GTF2IRD1: variants seen among roughly 807,000 people sequenced by gnomAD.
The protein encoded by GTF2IRD1 is GTF2I repeat domain containing 1.
GTF2IRD1 carries 26 observed loss-of-function variants against 113.2 expected under a neutral mutation model. That is an observed-to-expected ratio of 0.23 (90% CI 0.17 to 0.32). The LOEUF is 0.32. Ranked by LOEUF, GTF2IRD1 falls within the 10% of genes least tolerant of loss-of-function variation. The probability of loss-of-function intolerance (pLI) is 1.00; values close to 1 mark genes in which losing one functional copy is unlikely to be tolerated. For synonymous variants in GTF2IRD1, 484 were observed against 529.1 expected (o/e 0.91, Z 1.17); for missense variants, 864 against 1,280.8 (o/e 0.67, Z 4.97).
At chr7:74,550,263 A>C (rs150981759) in intron 17 of GTF2IRD1, among the ~76,000 whole-genome samples, 2 of 152,060 alleles carry the variant, frequency 1.3e-5, no homozygotes, top group Non-Finnish European at 2.9e-5. Flanking sequence ...CATATAGCCC[A>C]TCAGATGTGT....
At chr7:74,559,544 G>A (rs587756955) in intron 21 of GTF2IRD1, 83 bp from the exon 22 acceptor site, 2 of 1,260,868 alleles carry the variant, frequency 1.6e-6, no homozygotes, top group African/African-American at 1.5e-5. Flanking sequence ...TCCCAGGGGA[G>A]ACCGAGGCCA....
At chr7:74,600,569 G>T (rs1433318194) in intron 25 of GTF2IRD1, among the ~76,000 whole-genome samples, 1 of 152,082 alleles carries the variant, frequency 6.6e-6, no homozygotes, top group Non-Finnish European at 1.5e-5. Context: ...AAATTAGCTG[G>T]ACGTGGTGGC....
chr7:74,543,965 C>T (rs1363832375), intron 14 of GTF2IRD1, among the ~76,000 whole-genome samples: 1 of 151,046 alleles, frequency 6.6e-6, no homozygotes, highest in African/African-American at 2.4e-5. Context: ...GGGAGGATAG[C>T]TTGAGCCCAA....
At chr7:74,537,406 C>T (rs1798360483) in intron 11 of GTF2IRD1, among the ~76,000 whole-genome samples, 1 of 151,638 alleles carries the variant, frequency 6.6e-6, no homozygotes, top group Non-Finnish European at 1.5e-5. Context: ...GAACAAGACT[C>T]CGTCTCAAAA....
At chr7:74,587,173 A>G (rs1178546223) in intron 22 of GTF2IRD1, among the ~76,000 whole-genome samples, 1 of 152,102 alleles carries the variant, frequency 6.6e-6, no homozygotes, top group Non-Finnish European at 1.5e-5. Flanking sequence ...GGCTGGGCAC[A>G]GTGGCTCACG....
intron 3 of GTF2IRD1, among the ~76,000 whole-genome samples, chr7:74,514,746 G>A (rs1416887094): frequency 6.6e-6 from 1 of 151,764 alleles, no homozygotes; most frequent in Non-Finnish European, 1.5e-5. Flanking sequence ...AGCAGAAAAC[G>A]GTGGCATAGA....
intron 22 of GTF2IRD1, among the ~76,000 whole-genome samples, chr7:74,561,902 G>A (rs1181966215): frequency 6.6e-5 from 10 of 152,188 alleles, no homozygotes; most frequent in Non-Finnish European, 1.5e-5. Flanking sequence ...GGCTCGGTGT[G>A]AGTGATGTGT....
intron 24 of GTF2IRD1, among the ~76,000 whole-genome samples, chr7:74,594,122 C>T (rs1802254023): frequency 6.6e-6 from 1 of 151,808 alleles, no homozygotes; most frequent in Non-Finnish European, 1.5e-5. Context: ...TCGCTTGAAC[C>T]CAGGAGGTGG....
At chr7:74,537,422 A>G (rs587630987) in intron 11 of GTF2IRD1, among the ~76,000 whole-genome samples, 1 of 152,082 alleles carries the variant, frequency 6.6e-6, no homozygotes, top group Non-Finnish European at 1.5e-5. Flanking sequence ...CAAAAAAAAA[A>G]AACAAAAAAA....
chr7:74,496,383 T>G (rs898473841), intron 1 of GTF2IRD1, among the ~76,000 whole-genome samples: 5 of 146,642 alleles, frequency 3.4e-5, no homozygotes. Context: ...CATATATGTG[T>G]GTGATATATG....
intron 17 of GTF2IRD1, among the ~76,000 whole-genome samples, chr7:74,552,463 C>T (rs2130727309): frequency 6.6e-6 from 1 of 152,254 alleles, no homozygotes; most frequent in East Asian, 1.9e-4. Context: ...TTGCAGTGAG[C>T]TGAGATCGCG....
intron 4 of GTF2IRD1, 80 bp downstream of exon 4, chr7:74,515,676 C>T: frequency 1.5e-6 from 2 of 1,319,120 alleles, no homozygotes; most frequent in South Asian, 2.8e-5. Context: ...GGGGCCCCCT[C>T]CTGTCCCACT....
At chr7:74,523,219 T>G (rs1797392433) in intron 7 of GTF2IRD1, among the ~76,000 whole-genome samples, 1 of 150,300 alleles carries the variant, frequency 6.7e-6, no homozygotes, top group Non-Finnish European at 1.5e-5. Flanking sequence ...ACCCTGTCTG[T>G]AAAAAAGAAA....
At chr7:74,540,941 T>G (rs113272263) in intron 14 of GTF2IRD1, among the ~76,000 whole-genome samples, 14,093 of 151,834 alleles carry the variant, frequency 0.093, 879 homozygotes, top group South Asian at 0.22. Context: ...TTTTTGTATT[T>G]TTAGTAGAGA....
intron 1 of GTF2IRD1, among the ~76,000 whole-genome samples, chr7:74,481,067 C>T (rs907300113): frequency 6.6e-6 from 1 of 152,202 alleles, no homozygotes; most frequent in African/African-American, 2.4e-5. Flanking sequence ...CCCCTTTGCC[C>T]CCGCCTGGGG....
chr7:74,539,755 A>C lies in GTF2IRD1; in HGVS notation c.1529-124A>C. 3 of 638,466 alleles carry C rather than the reference A, an allele frequency of 4.7e-6. No individual in the cohort carries two copies. In the East Asian group the frequency reaches 8.6e-5, roughly 18 times the overall value. The allele number at this position is 638,466 out of a possible 1,614,324, so 39.6% of individuals were successfully genotyped here. A position where few individuals can be genotyped will look rare whatever the true frequency, so the allele number is the denominator to read the frequency against. The stretch of plus-strand genomic sequence containing the variant: ...TGAGACTCCATCTCAAACCAAAAAA[A>C]AAAAAGAGACAGAAAGAAAAGGACC... On this transcript the variant is annotated intron_variant, in intron 13 of 26. Transcript: ENST00000424337.
intron 17 of GTF2IRD1, among the ~76,000 whole-genome samples, chr7:74,549,265 G>A (rs1554354236): frequency 2.8e-5 from 4 of 144,608 alleles, no homozygotes; most frequent in African/African-American, 1.0e-4. Flanking sequence ...ATCGTACCAC[G>A]ACACTCCAGC....
rs782302441 is a variant in GTF2IRD1 at position 74,601,108 on chromosome 7, TTCC to T, written c.2700_2702del (p.Ser908del). The stretch of plus-strand genomic sequence containing the variant: ...TCTCGGAAGGAAATTCCGTCTCCTC[TTCC>T]TCCTCGTCTTCCTCTTCCTCGTCCT... On this transcript the variant is annotated inframe_deletion, in exon 26 of 27. Coordinates refer to ENST00000424337, the MANE Select transcript of GTF2IRD1 (RefSeq NM_005685.4). The T allele has an allele frequency of 5.0e-6, 8 of 1,613,796 alleles. No homozygotes were observed. Among genetic ancestry groups the T allele is most frequent in the African/African-American group, 2.7e-5 (2 of 74,938 alleles).
chr7:74,513,508 T>TTGG (rs1439352022), intron 3 of GTF2IRD1, among the ~76,000 whole-genome samples: 4 of 152,162 alleles, frequency 2.6e-5, no homozygotes, highest in Non-Finnish European at 5.9e-5. Flanking sequence ...TTTCACCTTG[T>TTGG]TGGCCAGGCT....
Sources: gnomAD v4.1 joint callset for allele counts (sites outside exome capture counted in the v4.1 genomes callset) on GRCh38, gnomAD v4.1.1 for gene constraint, MANE v1.5 for transcripts, NCBI Gene and HGNC (gene_info 2026-07-23, HGNC 2026-07-21) for gene names.